Variants in DEUP1 observed in about 807,000 individuals in gnomAD.
DEUP1 encodes coiled-coil domain containing 67.
Under a neutral mutation model 87.4 loss-of-function variants are expected in DEUP1, and 82 were observed. That is an observed-to-expected ratio of 0.94 (90% CI 0.78 to 1.13). The LOEUF is 1.13. Among genes scored for constraint, DEUP1 ranks in the 50% most tolerant of loss-of-function variants. The pLI is 0.00. For missense variants in DEUP1, 663 were observed against 681.5 expected (o/e 0.97, Z 0.30); for synonymous variants, 214 against 222.7 (o/e 0.96, Z 0.35).
chr11:93,419,185 T>TA (rs1280219565), intron 13 of DEUP1, among the ~76,000 whole-genome samples: 8 of 36,162 alleles, frequency 2.2e-4, no homozygotes, highest in Non-Finnish European at 3.3e-4. Context: ...AGTATAATAA[T>TA]AAAAAAAAAA....
At chr11:93,434,948 T>C (rs556670001) in intron 13 of DEUP1, among the ~76,000 whole-genome samples, 4 of 152,284 alleles carry the variant, frequency 2.6e-5, no homozygotes, top group Admixed American at 1.3e-4. Flanking sequence ...CCCAAAGCTC[T>C]ATCATGTTAG....
At chr11:93,364,329 T>C in intron 5 of DEUP1, 35 bp downstream of exon 5, 1 of 1,568,972 alleles carries the variant, frequency 6.4e-7, no homozygotes, top group East Asian at 2.2e-5. Flanking sequence ...TCATGTGTAT[T>C]AAAGATTGAT....
At chr11:93,376,848 T>A (rs2124561) in intron 7 of DEUP1, among the ~76,000 whole-genome samples, 36,879 of 152,114 alleles carry the variant, frequency 0.24, 4,805 homozygotes, top group South Asian at 0.38. Flanking sequence ...AAGAATTTTT[T>A]AATTTCCATC....
intron 2 of DEUP1, among the ~76,000 whole-genome samples, chr11:93,335,933 G>A (rs1451457030): frequency 6.6e-6 from 1 of 152,136 alleles, no homozygotes; most frequent in East Asian, 1.9e-4. Context: ...TGACGAACAT[G>A]GAGAAACCCC....
At chr11:93,436,797 C>CA (rs202168551) in intron 13 of DEUP1, among the ~76,000 whole-genome samples, 9 of 151,120 alleles carry the variant, frequency 6.0e-5, no homozygotes, top group East Asian at 5.8e-4. Context: ...ATTTCCCCAA[C>CA]AAAAAAAAAT....
At chr11:93,337,343 GT>G (rs1943821702) in intron 2 of DEUP1, among the ~76,000 whole-genome samples, 1 of 152,126 alleles carries the variant, frequency 6.6e-6, no homozygotes, top group South Asian at 2.1e-4. Flanking sequence ...GTTAAACACA[GT>G]TTTAATTACA....
At chr11:93,396,724 G>T (rs919231562) in intron 11 of DEUP1, among the ~76,000 whole-genome samples, 2 of 152,304 alleles carry the variant, frequency 1.3e-5, no homozygotes, top group Non-Finnish European at 2.9e-5. Flanking sequence ...GTTCTGACTT[G>T]TTTTGTTGCT....
At chr11:93,415,711 A>G (rs891160914) in intron 13 of DEUP1, among the ~76,000 whole-genome samples, 3 of 151,946 alleles carry the variant, frequency 2.0e-5, no homozygotes, top group African/African-American at 7.3e-5. Flanking sequence ...TGTAAATTTT[A>G]TATAAATGAT....
At chr11:93,377,429 G>T (rs1946090051) in intron 7 of DEUP1, among the ~76,000 whole-genome samples, 1 of 152,010 alleles carries the variant, frequency 6.6e-6, no homozygotes, top group Non-Finnish European at 1.5e-5. Flanking sequence ...TGTAAGAGTA[G>T]CTGCTCCTGC....
intron 13 of DEUP1, among the ~76,000 whole-genome samples, chr11:93,427,808 C>A (rs28786675): frequency 1.5e-5 from 2 of 135,532 alleles, no homozygotes; most frequent in African/African-American, 2.7e-5. Flanking sequence ...ATCAAAAAGT[C>A]GGCGAAGGTC....
chr11:93,427,421 T>C (rs1217443915), intron 13 of DEUP1, among the ~76,000 whole-genome samples: 4 of 152,084 alleles, frequency 2.6e-5, no homozygotes, highest in Admixed American at 6.5e-5. Context: ...TGGCTAGCCA[T>C]ATGTAGAAAG....
intron 13 of DEUP1, among the ~76,000 whole-genome samples, chr11:93,416,041 T>G (rs1947611841): frequency 6.6e-6 from 1 of 152,120 alleles, no homozygotes; most frequent in African/African-American, 2.4e-5. Context: ...TCATAGGATA[T>G]GAATATGGTC....
At chr11:93,373,625 G>GTGTGTGTATA (rs796309948) in intron 7 of DEUP1, among the ~76,000 whole-genome samples, 1 of 67,002 alleles carries the variant, frequency 1.5e-5, no homozygotes, top group African/African-American at 4.1e-5. Flanking sequence ...ATATATATAC[G>GTGTGTGTATA]TATATATATA....
At chr11:93,376,906 T>C (rs1946067864) in intron 7 of DEUP1, among the ~76,000 whole-genome samples, 1 of 152,222 alleles carries the variant, frequency 6.6e-6, no homozygotes, top group Non-Finnish European at 1.5e-5. Flanking sequence ...GGTTATTTAA[T>C]TTCCATGTAT....
At chr11:93,333,791 A>G (rs762437187) in intron 2 of DEUP1, among the ~76,000 whole-genome samples, 4 of 152,228 alleles carry the variant, frequency 2.6e-5, no homozygotes, top group Non-Finnish European at 5.9e-5. Context: ...CCTACATTGG[A>G]AATGGATGGC....
At chr11:93,414,895 T>C in intron 12 of DEUP1, 105 bp from the exon 13 acceptor site, 1 of 526,792 alleles carries the variant, frequency 1.9e-6, no homozygotes, top group Non-Finnish European at 3.3e-6. Flanking sequence ...AAACATTTTG[T>C]TGTGCTTTCC....
chr11:93,430,887 G>A (rs181493705), intron 13 of DEUP1, among the ~76,000 whole-genome samples: 131 of 152,248 alleles, frequency 8.6e-4, no homozygotes, highest in African/African-American at 2.8e-3. Context: ...CCTGAGGTCA[G>A]GAGTTCAAGA....
chr11:93,431,637 TA>T (rs1417585347), intron 13 of DEUP1, among the ~76,000 whole-genome samples: 1 of 152,170 alleles, frequency 6.6e-6, no homozygotes, highest in African/African-American at 2.4e-5. Flanking sequence ...GAATAAATTA[TA>T]GAGGGGCAAG....
intron 7 of DEUP1, among the ~76,000 whole-genome samples, chr11:93,372,207 C>T (rs1431014909): frequency 6.6e-6 from 1 of 152,138 alleles, no homozygotes; most frequent in Non-Finnish European, 1.5e-5. Context: ...GGATTACAGG[C>T]GTGAGCCACC....
Sources: allele counts gnomAD v4.1 joint callset (sites outside exome capture counted in the v4.1 genomes callset), GRCh38; gene constraint gnomAD v4.1.1; transcripts MANE v1.5; gene names NCBI Gene and HGNC (gene_info 2026-07-23, HGNC 2026-07-21).